FRMD4B: variants seen among roughly 807,000 people sequenced by gnomAD.
FRMD4B encodes the protein FERM domain-containing protein 4B.
In FRMD4B, 74 loss-of-function variants were observed where a neutral mutation model predicts 141.5. The observed-to-expected ratio is 0.52, with a 90% CI of 0.43 to 0.63. FRMD4B has a LOEUF of 0.63. Ranked by LOEUF, FRMD4B falls within the 30% of genes least tolerant of loss-of-function variation. The pLI, the probability that FRMD4B is intolerant of heterozygous loss-of-function variation, is 0.00. For synonymous variants in FRMD4B, 506 were observed against 467.9 expected (o/e 1.08, Z -1.05); for missense variants, 1,366 against 1,253.4 (o/e 1.09, Z -1.36).
Position 69,181,365 on chromosome 3 carries a change from C to G in FRMD4B, c.2385G>C (p.Lys795Asn), listed in dbSNP as rs1344638093. ...KDSLRNGVYS[K>N]SQEPPSSSYY... ...AACTGGAAGACGGTGGCTCCTGACT[C>G]TTTGAGTAAACACCATTCCTCAAAC... Residue 795 changes from lysine to asparagine, a missense_variant, in exon 21 of 23, where the codon AAG becomes AAC. By Grantham distance (94) the Lys-to-Asn change is moderately conservative (BLOSUM62 0). Coordinates refer to ENST00000398540, the MANE Select transcript of FRMD4B (RefSeq NM_015123.3). 1.9e-6 allele frequency: 3 copies of G among 1,613,856 alleles called. No homozygotes were observed. The highest frequency in any genetic ancestry group is 2.5e-6 in the Non-Finnish European group (3 of 1,179,750).
intron 1 of FRMD4B, among the ~76,000 whole-genome samples, chr3:69,461,732 T>A (rs1705711022): frequency 6.6e-6 from 1 of 151,832 alleles, no homozygotes; most frequent in South Asian, 2.1e-4. Flanking sequence ...CAGGCTAGGA[T>A]TTCCTTTGTA....
intron 1 of FRMD4B, among the ~76,000 whole-genome samples, chr3:69,383,046 C>T (rs1704154611): frequency 6.7e-6 from 1 of 148,782 alleles, no homozygotes; most frequent in South Asian, 2.2e-4. Flanking sequence ...TTATTGGATG[C>T]TTTCTAAACT....
intron 1 of FRMD4B, among the ~76,000 whole-genome samples, chr3:69,323,653 T>TAA (rs1553723964): frequency 5.4e-4 from 69 of 128,340 alleles, no homozygotes; most frequent in African/African-American, 2.0e-3. Flanking sequence ...TATATATATA[T>TAA]GCGTTTTAAA....
intron 3 of FRMD4B, chr3:69,310,579 CACAGAGAGAGAGAG>C (rs55809348): frequency 0.3 from 76,099 of 252,726 alleles, 7,937 homozygotes; most frequent in East Asian, 0.48. Flanking sequence ...CACACACACA[CACAGAGAGAGAGAG>C]AGAGAGAGAG....
At chr3:69,208,000 C>T (rs2093040574) in intron 11 of FRMD4B, among the ~76,000 whole-genome samples, 1 of 152,058 alleles carries the variant, frequency 6.6e-6, no homozygotes, top group Non-Finnish European at 1.5e-5. Context: ...TTGCCTCAGC[C>T]TCCCAAGTAG....
intron 1 of FRMD4B, among the ~76,000 whole-genome samples, chr3:69,376,101 A>G (rs1239637691): frequency 1.3e-5 from 2 of 152,190 alleles, no homozygotes; most frequent in African/African-American, 2.4e-5. Flanking sequence ...ACAAAGAATT[A>G]TATATATTGT....
At chr3:69,462,374 C>G (rs902790157) in intron 1 of FRMD4B, among the ~76,000 whole-genome samples, 3 of 152,154 alleles carry the variant, frequency 2.0e-5, no homozygotes, top group African/African-American at 7.2e-5. Context: ...CTGGCCTGTC[C>G]CATAGCAAGA....
At chr3:69,175,645 T>A (rs999873118) in intron 22 of FRMD4B, among the ~76,000 whole-genome samples, 2 of 152,026 alleles carry the variant, frequency 1.3e-5, no homozygotes, top group Admixed American at 1.3e-4. Flanking sequence ...TAAATGGACA[T>A]ATCACTAATA....
chr3:69,215,688 A>T (rs1167435743), intron 11 of FRMD4B, among the ~76,000 whole-genome samples: 1 of 152,180 alleles, frequency 6.6e-6, no homozygotes, highest in Admixed American at 6.6e-5. Context: ...TAGCAGCAGA[A>T]GAAAGAAGAC....
At chr3:69,249,977 T>G (rs1283679445) in intron 6 of FRMD4B, 66 bp downstream of exon 6, 3 of 1,021,112 alleles carry the variant, frequency 2.9e-6, no homozygotes, top group Non-Finnish European at 3.1e-6. Context: ...GTTTCAGAGT[T>G]GCAGGCAGTT....
At position 69,245,663 on chromosome 3, in the gene FRMD4B, T is replaced by C. The variant is rs868455786; in HGVS notation, c.581+3563A>G. Among the ~76,000 whole-genome samples, 129 of 81,404 alleles carry C rather than the reference T, an allele frequency of 1.6e-3. 2 individuals carry two copies. The highest frequency in any genetic ancestry group is 5.3e-3 in the African/African-American group (119 of 22,248). The allele number at this position is 81,404 out of a possible 152,430, so 53.4% of individuals were successfully genotyped here. A position where few individuals can be genotyped will look rare whatever the true frequency, so the allele number is the denominator to read the frequency against. ...CACCTGGCCTTGGCTGATTTTCTTT[T>C]CTTTTTTTTTTTTTTTTTGTGACAG... On this transcript the variant is annotated intron_variant, in intron 7 of 22. Transcript: ENST00000398540.
At chr3:69,484,394 G>A (rs1706180174) in intron 1 of FRMD4B, among the ~76,000 whole-genome samples, 1 of 152,120 alleles carries the variant, frequency 6.6e-6, no homozygotes. Context: ...AAGATCTTTG[G>A]GGTGTTGATT....
intron 2 of FRMD4B, among the ~76,000 whole-genome samples, chr3:69,394,990 A>G (rs1011338020): frequency 3.3e-5 from 5 of 152,094 alleles, no homozygotes; most frequent in African/African-American, 1.2e-4. Context: ...CACGGGGAGG[A>G]GAACATCACA....
intron 2 of FRMD4B, among the ~76,000 whole-genome samples, chr3:69,424,274 C>T (rs1450511594): frequency 1.3e-5 from 2 of 152,130 alleles, no homozygotes; most frequent in Non-Finnish European, 2.9e-5. Context: ...AATATAACTA[C>T]CTCAAATAAT....
chr3:69,464,418 G>A (rs753934019), intron 1 of FRMD4B, among the ~76,000 whole-genome samples: 3 of 152,186 alleles, frequency 2.0e-5, no homozygotes, highest in Non-Finnish European at 4.4e-5. Flanking sequence ...AGGCCAGAAA[G>A]TAAACTGTCA....
intron 1 of FRMD4B, among the ~76,000 whole-genome samples, chr3:69,456,243 GC>G (rs1295301751): frequency 1.3e-5 from 1 of 79,768 alleles, no homozygotes; most frequent in African/African-American, 6.7e-5. Flanking sequence ...CAAAGTGTTT[GC>G]ACAAAGTAAG....
intron 1 of FRMD4B, among the ~76,000 whole-genome samples, chr3:69,376,332 T>C (rs1703970241): frequency 6.6e-6 from 1 of 152,190 alleles, no homozygotes; most frequent in South Asian, 2.1e-4. Flanking sequence ...CTATATTACC[T>C]TTTATATTTC....
At chr3:69,476,264 A>T (rs1705995787) in intron 1 of FRMD4B, among the ~76,000 whole-genome samples, 1 of 152,030 alleles carries the variant, frequency 6.6e-6, no homozygotes, top group Non-Finnish European at 1.5e-5. Context: ...TGTTTTAGAC[A>T]TGAAGTCCTT....
chr3:69,189,235 A>AG (rs1163336778), intron 18 of FRMD4B, among the ~76,000 whole-genome samples: 2 of 150,858 alleles, frequency 1.3e-5, no homozygotes, highest in Non-Finnish European at 3.0e-5. Context: ...AAAAAAAAAA[A>AG]AAAAAAAAAA....
Sources: gnomAD v4.1 joint callset for allele counts (sites outside exome capture counted in the v4.1 genomes callset) on GRCh38, gnomAD v4.1.1 for gene constraint, MANE v1.5 for transcripts, NCBI Gene and HGNC (gene_info 2026-07-23, HGNC 2026-07-21) for gene names.